The following MYO3B variants were observed in gnomAD, a reference collection of about 807,000 sequenced individuals.
MYO3B encodes myosin-IIIb.
MYO3B carries 156 observed loss-of-function variants against 174.6 expected under a neutral mutation model. The observed-to-expected ratio is 0.89, with a 90% confidence interval of 0.78 to 1.02. The LOEUF is 1.02. MYO3B is among the 50% of genes least tolerant of loss of function. The pLI, the probability that MYO3B is intolerant of heterozygous loss-of-function variation, is 0.00. For synonymous variants in MYO3B, 563 were observed against 569.1 expected, an observed-to-expected ratio of 0.99 and a Z score of 0.15; for missense variants, 1,632 against 1,639.4, an observed-to-expected ratio of 1.00 and a Z score of 0.08.
At chr2:170,375,258 A>C (rs1433953421) in intron 9 of MYO3B, among the ~76,000 whole-genome samples, 2 of 152,190 alleles carry the variant, frequency 1.3e-5, no homozygotes, top group African/African-American at 4.8e-5. Context: ...GATTGAAAAC[A>C]TGCTTTGTAT....
intron 23 of MYO3B, among the ~76,000 whole-genome samples, chr2:170,457,011 A>G (rs1344944): frequency 0.97 from 147,496 of 152,316 alleles, 71,586 homozygotes; most frequent in East Asian, 1. Context: ...ACTGTAGGCA[A>G]TGTAACACAG....
chr2:170,534,898 C>T (rs546013081), intron 30 of MYO3B, among the ~76,000 whole-genome samples: 51 of 152,294 alleles, frequency 3.3e-4, no homozygotes, highest in African/African-American at 1.1e-3. Context: ...TGCCATAACA[C>T]ATAGTGTTTT....
At chr2:170,326,239 C>T (rs1015306788) in intron 7 of MYO3B, among the ~76,000 whole-genome samples, 1 of 151,942 alleles carries the variant, frequency 6.6e-6, no homozygotes, top group African/African-American at 2.4e-5. Context: ...CCAAAGAACC[C>T]ATGTAAACAG....
intron 32 of MYO3B, among the ~76,000 whole-genome samples, chr2:170,623,390 C>A (rs969998682): frequency 1.3e-5 from 2 of 152,158 alleles, no homozygotes; most frequent in African/African-American, 2.4e-5. Flanking sequence ...AGTGTCTGTT[C>A]ATATACTTTG....
intron 23 of MYO3B, among the ~76,000 whole-genome samples, chr2:170,452,952 A>G (rs1381454501): frequency 2.0e-5 from 3 of 152,176 alleles, no homozygotes; most frequent in Non-Finnish European, 4.4e-5. Context: ...AACATTAAGC[A>G]TTTCCTATTG....
At chr2:170,213,531 A>G (rs1325062222) in intron 3 of MYO3B, among the ~76,000 whole-genome samples, 11 of 152,218 alleles carry the variant, frequency 7.2e-5, no homozygotes, top group Non-Finnish European at 2.9e-5. Flanking sequence ...AGGCAGGCCC[A>G]GGCCTGGTTT....
chr2:170,528,372 C>T (rs1193944504), intron 30 of MYO3B, among the ~76,000 whole-genome samples: 2 of 152,086 alleles, frequency 1.3e-5, no homozygotes, highest in African/African-American at 2.4e-5. Flanking sequence ...TCTTATATCC[C>T]ATGCCTGCCA....
chr2:170,561,932 C>G (rs1195407152), intron 32 of MYO3B, among the ~76,000 whole-genome samples: 1 of 151,704 alleles, frequency 6.6e-6, no homozygotes, highest in African/African-American at 2.4e-5. Context: ...CATTAAACAA[C>G]AACAACAAAA....
chr2:170,266,322 C>G (rs895313276), intron 7 of MYO3B, among the ~76,000 whole-genome samples: 1 of 152,062 alleles, frequency 6.6e-6, no homozygotes, highest in African/African-American at 2.4e-5. Context: ...CTCAACAAAA[C>G]ATTAATTTTT....
At position 170,653,699 on chromosome 2, in the gene MYO3B, C is replaced by G. The variant is rs922842157; in HGVS notation, c.*578C>G. ...AATTGCCTGTGTTTAGGCAGATAGG[C>G]CTAAATCTTTCAGATTCTTTCTACA... On this transcript the variant is annotated 3_prime_UTR_variant, in exon 35 of 35. Transcript: ENST00000408978. 5.3e-5 allele frequency: 8 copies of G among 152,238 alleles called. No homozygotes were observed. Among genetic ancestry groups the G allele is most frequent in the African/African-American group, 1.9e-4 (8 of 41,434 alleles). The allele number at this position is 152,238 out of a possible 1,614,324, so 9.4% of individuals were successfully genotyped here.
intron 32 of MYO3B, among the ~76,000 whole-genome samples, chr2:170,586,057 A>C (rs372590683): frequency 3.3e-5 from 5 of 152,174 alleles, no homozygotes; most frequent in African/African-American, 9.7e-5. Context: ...AAATCACACA[A>C]GTGTTTGTTC....
At chr2:170,352,196 G>A (rs900470231) in intron 8 of MYO3B, among the ~76,000 whole-genome samples, 20 of 152,162 alleles carry the variant, frequency 1.3e-4, no homozygotes, top group African/African-American at 4.6e-4. Context: ...CAGGTGACCC[G>A]CCCTCCTTGG....
At chr2:170,522,237 T>C (rs1197531846) in intron 30 of MYO3B, among the ~76,000 whole-genome samples, 1 of 152,140 alleles carries the variant, frequency 6.6e-6, no homozygotes, top group African/African-American at 2.4e-5. Flanking sequence ...TCCACACTCC[T>C]ACACCCAACT....
intron 16 of MYO3B, among the ~76,000 whole-genome samples, chr2:170,399,242 C>CAAAAAAA (rs71399532): frequency 0.037 from 579 of 15,548 alleles, 101 homozygotes; most frequent in Non-Finnish European, 0.062. Flanking sequence ...AATTCCGTCT[C>CAAAAAAA]AAAAAAAAAA....
chr2:170,330,729 G>A (rs2105523323), intron 7 of MYO3B, among the ~76,000 whole-genome samples: 1 of 152,166 alleles, frequency 6.6e-6, no homozygotes, highest in African/African-American at 2.4e-5. Flanking sequence ...ATATATTCAG[G>A]GACCTGGCGA....
intron 32 of MYO3B, among the ~76,000 whole-genome samples, chr2:170,572,167 C>T (rs1179154794): frequency 6.6e-6 from 1 of 152,162 alleles, no homozygotes; most frequent in Non-Finnish European, 1.5e-5. Flanking sequence ...TGGTGGCTCA[C>T]GCCTGTAATC....
At chr2:170,390,650 C>G (rs12613891) in intron 14 of MYO3B, among the ~76,000 whole-genome samples, 7,866 of 152,030 alleles carry the variant, frequency 0.052, 732 homozygotes, top group East Asian at 0.45. Context: ...GCTAGGTTGA[C>G]CAAAGAAAAG....
chr2:170,438,868 G>C (rs2094777102), intron 22 of MYO3B, among the ~76,000 whole-genome samples: 2 of 151,856 alleles, frequency 1.3e-5, no homozygotes, highest in Non-Finnish European at 2.9e-5. Context: ...CTCCTGATTT[G>C]TGATCCACCA....
intron 32 of MYO3B, chr2:170,601,810 T>C (rs1314066721): frequency 8.9e-7 from 1 of 1,125,910 alleles, no homozygotes; most frequent in Non-Finnish European, 1.3e-6. Flanking sequence ...AAGCTGCTTG[T>C]CATCTGCAAA....
Sources: allele counts gnomAD v4.1 joint callset (sites outside exome capture counted in the v4.1 genomes callset), GRCh38; gene constraint gnomAD v4.1.1; transcripts MANE v1.5; gene names NCBI Gene and HGNC (gene_info 2026-07-23, HGNC 2026-07-21).